COL24A1: variants seen among roughly 807,000 people sequenced by gnomAD.
The protein encoded by COL24A1 is collagen alpha-1(XXIV) chain.
In COL24A1, 224 loss-of-function variants were observed where a neutral mutation model predicts 253.9. The ratio of observed to expected loss-of-function variants is 0.88; its 90% CI spans 0.79 to 0.99. The LOEUF is 0.99. COL24A1 is among the 50% of genes least tolerant of loss of function. COL24A1 has a pLI of 0.00. For missense variants in COL24A1, 2,131 were observed against 2,068.5 expected (o/e 1.03, Z -0.59); for synonymous variants, 685 against 673.7 (o/e 1.02, Z -0.26).
chr1:86,002,199 A>C (rs983638381), intron 19 of COL24A1, among the ~76,000 whole-genome samples: 1 of 152,226 alleles, frequency 6.6e-6, no homozygotes, highest in Non-Finnish European at 1.5e-5. Flanking sequence ...TGTCAGTCAC[A>C]TTGTGTGTGG....
chr1:85,754,742 T>G (rs1666027067), intron 55 of COL24A1, among the ~76,000 whole-genome samples: 2 of 151,714 alleles, frequency 1.3e-5, no homozygotes, highest in Admixed American at 1.3e-4. Flanking sequence ...TAAGCACCAG[T>G]TAACTTGAAG....
chr1:85,901,884 G>C (rs72952597), intron 28 of COL24A1, among the ~76,000 whole-genome samples: 3 of 147,290 alleles, frequency 2.0e-5, no homozygotes, highest in African/African-American at 2.5e-5. Flanking sequence ...CCACTACTGG[G>C]TATTTATCCA....
chr1:86,027,533 G>A (rs1013703158), intron 14 of COL24A1, among the ~76,000 whole-genome samples: 36 of 152,196 alleles, frequency 2.4e-4, no homozygotes, highest in African/African-American at 6.8e-4. Flanking sequence ...CTTACACATG[G>A]TGTTGAGCCT....
intron 2 of COL24A1, among the ~76,000 whole-genome samples, chr1:86,145,580 C>T (rs1651763986): frequency 6.6e-6 from 1 of 151,992 alleles, no homozygotes; most frequent in Non-Finnish European, 1.5e-5. Flanking sequence ...TTAGGATATA[C>T]ATAGACTCCT....
chr1:86,049,346 T>G (rs1337555877), intron 11 of COL24A1, among the ~76,000 whole-genome samples: 1 of 152,192 alleles, frequency 6.6e-6, no homozygotes, highest in African/African-American at 2.4e-5. Context: ...TTTGAAAAAT[T>G]CATTTAGCAA....
At position 85,923,232 on chromosome 1, in the gene COL24A1, C is replaced by T. The variant is rs530760990; in HGVS notation, c.2563-11799G>A. 2.6e-5 allele frequency among the ~76,000 whole-genome samples: 4 copies of T among 152,296 alleles called. No homozygotes were observed. In the East Asian group the frequency reaches 7.7e-4, roughly 29 times the overall value. Reference sequence around the variant, plus strand: ...ACACAATAATAATGGGAAACTTTAACACCCCATTGTCAATATTAGACAGAT... The same window carrying T: ...ACACAATAATAATGGGAAACTTTAATACCCCATTGTCAATATTAGACAGAT... On this transcript the variant is annotated intron_variant, in intron 24 of 59. Coordinates refer to ENST00000370571, the MANE Select transcript of COL24A1 (RefSeq NM_152890.7).
At chr1:85,834,683 A>C (rs1403555615) in intron 43 of COL24A1, among the ~76,000 whole-genome samples, 1 of 152,210 alleles carries the variant, frequency 6.6e-6, no homozygotes, top group Non-Finnish European at 1.5e-5. Flanking sequence ...CATCTCTCCT[A>C]AGTTTAGCTT....
chr1:85,767,940 T>C (rs1231242293), intron 53 of COL24A1, among the ~76,000 whole-genome samples: 1 of 152,226 alleles, frequency 6.6e-6, no homozygotes, highest in Non-Finnish European at 1.5e-5. Flanking sequence ...CAAAGTTCCC[T>C]ACTCTCATGA....
At chr1:85,814,478 C>T (rs944734814) in intron 47 of COL24A1, among the ~76,000 whole-genome samples, 9 of 152,070 alleles carry the variant, frequency 5.9e-5, no homozygotes, top group South Asian at 2.1e-4. Flanking sequence ...TGTTAGAAAA[C>T]GTCTATTTTC....
chr1:85,942,890 A>T (rs1015388764), intron 24 of COL24A1, among the ~76,000 whole-genome samples: 1 of 152,114 alleles, frequency 6.6e-6, no homozygotes, highest in African/African-American at 2.4e-5. Flanking sequence ...GGTAGACTCG[A>T]CTTAATTTTA....
chr1:85,962,856 T>C (rs748023820), intron 23 of COL24A1, among the ~76,000 whole-genome samples: 3 of 152,136 alleles, frequency 2.0e-5, no homozygotes, highest in Non-Finnish European at 4.4e-5. Flanking sequence ...AAAAATATTG[T>C]AGCCAATAAT....
chr1:85,817,985 C>T, intron 46 of COL24A1, 49 bp downstream of exon 46: 1 of 1,499,864 alleles, frequency 6.7e-7, no homozygotes, highest in Non-Finnish European at 9.3e-7. Flanking sequence ...GCTAAAGTTG[C>T]CAGTTCCATT....
chr1:85,828,474 T>A (rs1336859310), intron 43 of COL24A1, among the ~76,000 whole-genome samples: 1 of 151,298 alleles, frequency 6.6e-6, no homozygotes, highest in Non-Finnish European at 1.5e-5. Context: ...TTCCTGGGTA[T>A]CCTTGTTGAC....
Position 85,910,613 on chromosome 1 carries a change from T to A in COL24A1, c.2617-610A>T, listed in dbSNP as rs190652600. On this transcript the variant is annotated intron_variant, in intron 25 of 59. Coordinates refer to ENST00000370571, the MANE Select transcript of COL24A1 (RefSeq NM_152890.7). Reference sequence around the variant, plus strand: ...GGTGAAAAAAATTATAATGCAAAATTTTTTAACTGCACTCATTTTGTTACA... The same window carrying A: ...GGTGAAAAAAATTATAATGCAAAATATTTTAACTGCACTCATTTTGTTACA... Among the ~76,000 whole-genome samples the A allele has an allele frequency of 9.4e-3, 1,433 of 152,040 alleles. 22 individuals are homozygous for A. Among genetic ancestry groups the A allele is most frequent in the Non-Finnish European group, 0.011 (773 of 67,872 alleles).
chr1:85,780,889 C>T (rs1026522884), intron 52 of COL24A1, among the ~76,000 whole-genome samples: 19 of 152,202 alleles, frequency 1.2e-4, no homozygotes, highest in African/African-American at 4.3e-4. Context: ...TGGATGTCTG[C>T]ACATCTTTTG....
intron 48 of COL24A1, among the ~76,000 whole-genome samples, chr1:85,784,721 GTTTA>G (rs1321144087): frequency 1.3e-5 from 2 of 151,758 alleles, no homozygotes; most frequent in Admixed American, 6.6e-5. Context: ...CTTATATTTT[GTTTA>G]TTTATTTATT....
At chr1:85,971,465 G>A (rs1692162795) in intron 20 of COL24A1, 72 bp from the exon 21 acceptor site, 1 of 1,230,210 alleles carries the variant, frequency 8.1e-7, no homozygotes, top group Non-Finnish European at 1.2e-6. Context: ...CAGCATTAAT[G>A]TGGAGATGGA....
At chr1:86,043,908 G>T (rs1278380917) in intron 12 of COL24A1, among the ~76,000 whole-genome samples, 1 of 152,136 alleles carries the variant, frequency 6.6e-6, no homozygotes, top group African/African-American at 2.4e-5. Flanking sequence ...TCAGATACTG[G>T]CACGTTCAGA....
At chr1:85,739,378 A>G (rs2100863284) in intron 57 of COL24A1, among the ~76,000 whole-genome samples, 2 of 152,296 alleles carry the variant, frequency 1.3e-5, no homozygotes, top group South Asian at 4.1e-4. Flanking sequence ...AGGTATGCCA[A>G]GCTAGAGATG....
Sources: allele counts gnomAD v4.1 joint callset (sites outside exome capture counted in the v4.1 genomes callset), GRCh38; gene constraint gnomAD v4.1.1; transcripts MANE v1.5; gene names NCBI Gene and HGNC (gene_info 2026-07-23, HGNC 2026-07-21).